The following CELF5 variants were observed in gnomAD, a reference collection of about 807,000 sequenced individuals.
CELF5 encodes the protein CUG-BP and ETR-3 like factor 5.
Under a neutral mutation model 54.9 loss-of-function variants are expected in CELF5, and 6 were observed. That is an observed-to-expected ratio of 0.11 (90% CI 0.06 to 0.22). CELF5 has a LOEUF of 0.22. CELF5 is among the 10% of genes least tolerant of loss of function. The pLI, the probability that CELF5 is intolerant of heterozygous loss-of-function variation, is 1.00. For synonymous variants in CELF5, 271 were observed against 290.9 expected (o/e 0.93, Z 0.70); for missense variants, 401 against 678.6 (o/e 0.59, Z 4.54).
At chr19:3,270,596 T>TGTGCGCCC (rs1370898363) in intron 2 of CELF5, 8 of 145,720 alleles carry the variant, frequency 5.5e-5, no homozygotes, top group Admixed American at 2.0e-4. Flanking sequence ...GGTGCGCGCC[T>TGTGCGCCC]GTGCGCCCGG....
chr19:3,271,512 G>A (rs1241756610), intron 2 of CELF5, among the ~76,000 whole-genome samples: 2 of 152,196 alleles, frequency 1.3e-5, no homozygotes, highest in East Asian at 1.9e-4. Flanking sequence ...GAGGATTGGG[G>A]GCACAGGATC....
intron 1 of CELF5, among the ~76,000 whole-genome samples, chr19:3,232,871 T>C (rs1259756978): frequency 1.3e-5 from 2 of 151,986 alleles, no homozygotes; most frequent in Non-Finnish European, 2.9e-5. Context: ...GGTCGGGAGT[T>C]CGAGACCAGC....
rs959919712 is a variant in CELF5, at chr19:3,228,167, G to A, written c.259+3169G>A. On this transcript the variant is annotated intron_variant, in intron 1 of 12. Transcript: ENST00000292672. This position sits in a 1 kb window ranked among gnomAD's most constrained non-coding sequence, Gnocchi z 6.0. ...AGAGAGAGAGAGACACGCAGGGAAA[G>A]AGAGACAGAGAGACCCACAGAGAGA... Among the ~76,000 whole-genome samples, 4 of 152,110 alleles carry A rather than the reference G, an allele frequency of 2.6e-5. No homozygotes were observed. Among genetic ancestry groups the A allele is most frequent in the African/African-American group, 9.7e-5 (4 of 41,428 alleles).
intron 1 of CELF5, among the ~76,000 whole-genome samples, chr19:3,242,536 G>A (rs1404406194): frequency 1.3e-5 from 2 of 152,084 alleles, no homozygotes; most frequent in Non-Finnish European, 2.9e-5. Flanking sequence ...GCCGGGCGCA[G>A]TGACTCACAC....
chr19:3,250,568 A>T (rs2079634623), intron 1 of CELF5, among the ~76,000 whole-genome samples: 1 of 152,116 alleles, frequency 6.6e-6, no homozygotes, highest in Admixed American at 6.6e-5. Context: ...CATCACCACC[A>T]TCATCTCCAG....
rs186853725 is a variant in CELF5 at position 3,291,231 on chromosome 19, A to G, written c.1330+857A>G. ...CAGTGAGCTATGATCACACCACTGCATTCCAGCCCAGACAACACAGCAAGA... is the reference window on the plus strand; with the variant it reads ...CAGTGAGCTATGATCACACCACTGCGTTCCAGCCCAGACAACACAGCAAGA... On this transcript the variant is annotated intron_variant, in intron 11 of 12. Coordinates refer to ENST00000292672, the MANE Select transcript of CELF5 (RefSeq NM_021938.4). 2.8e-4 allele frequency among the ~76,000 whole-genome samples: 43 copies of G among 152,062 alleles called. No homozygotes were observed. In the East Asian group the frequency reaches 3.3e-3, roughly 12 times the overall value.
intron 9 of CELF5, 55 bp from the exon 10 acceptor site, chr19:3,285,887 C>G (rs2080238745): frequency 7.3e-7 from 1 of 1,376,562 alleles, no homozygotes; most frequent in African/African-American, 1.5e-5. Context: ...CGGCCCAGGC[C>G]GCCCACGTGG....
chr19:3,290,096 C>T, intron 10 of CELF5, 135 bp from the exon 11 acceptor site: 1 of 651,962 alleles, frequency 1.5e-6, no homozygotes, highest in South Asian at 1.9e-5. Context: ...CAGGCCCCTT[C>T]TTTCTGGGTG....
Position 3,265,556 on chromosome 19 carries a change from G to A in CELF5, c.343-8316G>A, listed in dbSNP as rs865867701. Among the ~76,000 whole-genome samples, 7 of 152,206 alleles carry A rather than the reference G, an allele frequency of 4.6e-5. No individual in the cohort carries two copies. The South Asian group carries it at 1.2e-3, about 27-fold the overall frequency. Reference sequence around the variant, plus strand: ...CAGAGTCTCGCTGTTTTTTGAGGCAGTATCTTGAGACACTCCCACCCACGC... The same window carrying A: ...CAGAGTCTCGCTGTTTTTTGAGGCAATATCTTGAGACACTCCCACCCACGC... On this transcript the variant is annotated intron_variant, in intron 2 of 12. Transcript: ENST00000292672.
chr19:3,271,160 G>A (rs1439801931), intron 2 of CELF5, among the ~76,000 whole-genome samples: 1 of 151,820 alleles, frequency 6.6e-6, no homozygotes, highest in East Asian at 1.9e-4. Flanking sequence ...GTGCTGGGAG[G>A]GGGGAGGAGG....
intron 2 of CELF5, among the ~76,000 whole-genome samples, chr19:3,253,612 C>T (rs2079680086): frequency 6.6e-6 from 1 of 152,176 alleles, no homozygotes; most frequent in African/African-American, 2.4e-5. Flanking sequence ...GCACCAGAAG[C>T]CCAGGGGTGC....
intron 1 of CELF5, among the ~76,000 whole-genome samples, chr19:3,233,626 G>A (rs2144987021): frequency 6.6e-6 from 1 of 152,316 alleles, no homozygotes; most frequent in South Asian, 2.1e-4. Flanking sequence ...CACATCTGGT[G>A]TGTTGGAGGA....
chr19:3,252,126 TC>T (rs1237274431), intron 2 of CELF5, among the ~76,000 whole-genome samples: 1 of 152,120 alleles, frequency 6.6e-6, no homozygotes, highest in Non-Finnish European at 1.5e-5. Context: ...AGCCTCCACC[TC>T]CTGGGGTCAA....
intron 4 of CELF5, among the ~76,000 whole-genome samples, chr19:3,277,632 C>T (rs1428296312): frequency 2.0e-5 from 3 of 152,074 alleles, no homozygotes; most frequent in Non-Finnish European, 4.4e-5. Flanking sequence ...ATGGCTGGCC[C>T]TTCCATAGTA....
chr19:3,231,826 GTGGA>G (rs898776798), intron 1 of CELF5, among the ~76,000 whole-genome samples: 17 of 146,054 alleles, frequency 1.2e-4, no homozygotes, highest in South Asian at 2.3e-4. Context: ...GGATAGATGA[GTGGA>G]TGGATGGATG....
At position 3,268,900 on chromosome 19, in the gene CELF5, G is replaced by T. The variant is rs527316683; in HGVS notation, c.343-4972G>T. Among the ~76,000 whole-genome samples, 1 of 152,016 alleles carries T rather than the reference G, an allele frequency of 6.6e-6. No individual in the cohort carries two copies. Among genetic ancestry groups the T allele is most frequent in the Non-Finnish European group, 1.5e-5 (1 of 68,000 alleles). ...TTCTGTCACCAGCCACGTTCAGGGG[G>T]CCATGGCAGGAGGAGCGGGGAGGAA... On this transcript the variant is annotated intron_variant, in intron 2 of 12. Coordinates refer to ENST00000292672, the MANE Select transcript of CELF5 (RefSeq NM_021938.4). This position sits in a 1 kb window ranked among gnomAD's most constrained non-coding sequence, Gnocchi z 4.4.
intron 2 of CELF5, among the ~76,000 whole-genome samples, chr19:3,253,953 C>A (rs141135770): frequency 1.8e-4 from 27 of 152,298 alleles, no homozygotes; most frequent in African/African-American, 6.5e-4. Flanking sequence ...AACTGAGACA[C>A]AAACCCAGTC....
Position 3,228,920 on chromosome 19 carries a change from G to A in CELF5, c.259+3922G>A, listed in dbSNP as rs1417162561. On this transcript the variant is annotated intron_variant, in intron 1 of 12. Transcript: ENST00000292672. The surrounding 1 kb of genome is among the most constrained non-coding windows in gnomAD (Gnocchi z 6.0). ...TGTGTGTGTGTGTGTGTGTGTACGC[G>A]GGCGCGCGCCTGGGAAGGACTCCTG... is the stretch of plus-strand genomic sequence containing the variant. 6.7e-6 allele frequency among the ~76,000 whole-genome samples: 1 copy of A among 149,996 alleles called. No individual in the cohort carries two copies.
intron 2 of CELF5, among the ~76,000 whole-genome samples, chr19:3,255,194 A>G (rs970971650): frequency 6.6e-6 from 1 of 151,018 alleles, no homozygotes; most frequent in African/African-American, 2.4e-5. Flanking sequence ...ACACCCCCCA[A>G]TTTTTTTTGA....
Sources: gnomAD v4.1 joint callset for allele counts (sites outside exome capture counted in the v4.1 genomes callset) on GRCh38, gnomAD v4.1.1 for gene constraint, Gnocchi (gnomAD v3.1) non-coding constraint, MANE v1.5 for transcripts, NCBI Gene and HGNC (gene_info 2026-07-23, HGNC 2026-07-21) for gene names.